The following HMCN1 variants were observed in gnomAD, a reference collection of about 807,000 sequenced individuals.
The protein encoded by HMCN1 is hemicentin-1.
A neutral mutation model predicts 625.9 loss-of-function variants in HMCN1; 321 were observed. The observed-to-expected ratio is 0.51, with a 90% confidence interval of 0.47 to 0.56. The LOEUF is 0.56. HMCN1 is among the 20% of genes least tolerant of loss of function. The probability of loss-of-function intolerance (pLI) is 0.00; values close to 1 mark genes in which losing one functional copy is unlikely to be tolerated. For missense variants in HMCN1, 6,588 were observed against 6,887.3 expected, an observed-to-expected ratio of 0.96 and a Z score of 1.54; for synonymous variants, 2,425 against 2,417.6, an observed-to-expected ratio of 1.00 and a Z score of -0.09.
intron 42 of HMCN1, 142 bp downstream of exon 42, chr1:186,048,981 C>T: frequency 1.6e-6 from 1 of 641,496 alleles, no homozygotes; most frequent in South Asian, 1.7e-5. Flanking sequence ...GCTGAACTGT[C>T]CTGGGTATCA....
At position 186,145,927 on chromosome 1, in the gene HMCN1, A is replaced by T. The variant is rs756502732; in HGVS notation, c.14608+4A>T. 3 of 1,613,942 alleles carry T rather than the reference A, an allele frequency of 1.9e-6. No individual in the cohort carries two copies. The highest frequency in any genetic ancestry group is 2.5e-6 in the Non-Finnish European group (3 of 1,179,950). On this transcript the variant is annotated splice_donor_region_variant and intron_variant, in intron 93 of 106. Transcript: ENST00000271588. Reference sequence around the variant, plus strand: ...TGCAATGTACAAGCATGTCCAGGTAAGCAACTAAATTGGACTTTGGTAGCA... The same window carrying T: ...TGCAATGTACAAGCATGTCCAGGTATGCAACTAAATTGGACTTTGGTAGCA...
At chr1:186,156,982 T>C (rs1470898968) in intron 97 of HMCN1, among the ~76,000 whole-genome samples, 1 of 152,150 alleles carries the variant, frequency 6.6e-6, no homozygotes, top group African/African-American at 2.4e-5. Context: ...CGTGGGTGAT[T>C]ATAAGAAAAT....
chr1:185,866,067 T>C (rs1663171893), intron 4 of HMCN1, among the ~76,000 whole-genome samples: 1 of 152,188 alleles, frequency 6.6e-6, no homozygotes, highest in Non-Finnish European at 1.5e-5. Flanking sequence ...GTATTACTTA[T>C]AGCAACAAAC....
chr1:186,039,078 T>A, intron 38 of HMCN1, 73 bp downstream of exon 38: 1 of 1,032,836 alleles, frequency 9.7e-7, no homozygotes, highest in Non-Finnish European at 1.5e-6. Flanking sequence ...TCTATAAAAT[T>A]CTTGTGTAAG....
intron 100 of HMCN1, among the ~76,000 whole-genome samples, chr1:186,168,125 TATATTTAGGTGGAG>T (rs1441914688): frequency 6.6e-6 from 1 of 151,328 alleles, no homozygotes; most frequent in Non-Finnish European, 1.5e-5. Context: ...AATGGATCTA[TATATTTAGGTGGAG>T]ATATTTATGT....
chr1:185,865,610 CACACACACACACACACACACAT>C, intron 3 of HMCN1, 109 bp from the exon 4 acceptor site: 1 of 695,488 alleles, frequency 1.4e-6, no homozygotes. Flanking sequence ...CACACACACA[CACACACACACACACACACACAT>C]TCACATATTC....
Position 186,089,439 on chromosome 1 carries a change from G to A in HMCN1, c.9727+684G>A, listed in dbSNP as rs560116464. Among the ~76,000 whole-genome samples, 106 of 151,870 alleles carry A rather than the reference G, an allele frequency of 7.0e-4. 1 individual carries two copies. The highest frequency in any genetic ancestry group is 1.9e-3 in the Admixed American group (29 of 15,220). Reference sequence around the variant, plus strand: ...TTATGAATTCTACTATGAATATTACGTATCTGTTGTGTGCTCTGCTAAAGC... The same window carrying A: ...TTATGAATTCTACTATGAATATTACATATCTGTTGTGTGCTCTGCTAAAGC... On this transcript the variant is annotated intron_variant, in intron 63 of 106. Coordinates refer to ENST00000271588, the MANE Select transcript of HMCN1 (RefSeq NM_031935.3).
At chr1:185,880,293 A>T (rs1664220530) in intron 4 of HMCN1, among the ~76,000 whole-genome samples, 1 of 152,196 alleles carries the variant, frequency 6.6e-6, no homozygotes, top group South Asian at 2.1e-4. Flanking sequence ...AAAGCATAGA[A>T]CATAAAGCAA....
chr1:185,743,893 G>A lies in HMCN1; in HGVS notation c.268+8846G>A, dbSNP rs142198102. On this transcript the variant is annotated intron_variant, in intron 1 of 106. Transcript: ENST00000271588. ...ACATTGAATAGATAGTGGAAGGAAG[G>A]CAATTATCAAGGAAAATAGTACAAC... 7.7e-4 allele frequency among the ~76,000 whole-genome samples: 117 copies of A among 151,744 alleles called. 2 individuals are homozygous for A. In the East Asian group the frequency reaches 0.02, roughly 25 times the overall value.
intron 2 of HMCN1, among the ~76,000 whole-genome samples, chr1:185,857,724 C>T (rs1213725123): frequency 6.6e-6 from 1 of 152,028 alleles, no homozygotes; most frequent in African/African-American, 2.4e-5. Flanking sequence ...AAGTGTACCT[C>T]GAATATGTCA....
chr1:186,174,776 G>T, intron 103 of HMCN1, 134 bp downstream of exon 103: 1 of 793,058 alleles, frequency 1.3e-6, no homozygotes. Flanking sequence ...ATTGATTTAC[G>T]TCATTCAACA....
intron 42 of HMCN1, among the ~76,000 whole-genome samples, chr1:186,050,504 A>C (rs1045205632): frequency 1.3e-5 from 2 of 152,030 alleles, no homozygotes; most frequent in African/African-American, 4.8e-5. Context: ...CCCAGTAAAA[A>C]AAAATGTGCC....
intron 31 of HMCN1, 142 bp downstream of exon 31, chr1:186,015,579 T>A: frequency 1.2e-6 from 1 of 864,538 alleles, no homozygotes; most frequent in South Asian, 1.6e-5. Context: ...ATTTGTTCCA[T>A]GATTTGGAAA....
chr1:185,883,751 A>G (rs908301551), intron 4 of HMCN1, among the ~76,000 whole-genome samples: 1 of 151,830 alleles, frequency 6.6e-6, no homozygotes, highest in Non-Finnish European at 1.5e-5. Context: ...AAATTTAGTC[A>G]TTCTAATGTA....
chr1:185,968,850 G>T (rs1171726351), intron 14 of HMCN1, among the ~76,000 whole-genome samples: 1 of 151,986 alleles, frequency 6.6e-6, no homozygotes, highest in African/African-American at 2.4e-5. Flanking sequence ...TGTATTTATA[G>T]CTTCTCAATA....
chr1:185,748,751 A>C (rs1445244935), intron 1 of HMCN1, among the ~76,000 whole-genome samples: 1 of 152,218 alleles, frequency 6.6e-6, no homozygotes, highest in Non-Finnish European at 1.5e-5. Flanking sequence ...TAAAGTGAGA[A>C]TAACAATCAT....
chr1:186,188,163 A>G (rs1571488977), intron 106 of HMCN1, among the ~76,000 whole-genome samples, 154 bp downstream of exon 106: 2 of 152,170 alleles, frequency 1.3e-5, no homozygotes, highest in Admixed American at 1.3e-4. Context: ...TCTTCAATGA[A>G]TGGGCAAGAA....
At chr1:186,045,896 GT>G in intron 41 of HMCN1, 33 bp downstream of exon 41, 1 of 1,468,530 alleles carries the variant, frequency 6.8e-7, no homozygotes. Context: ...TTTACCTTAT[GT>G]TATTAGAAGT....
intron 2 of HMCN1, among the ~76,000 whole-genome samples, chr1:185,858,756 TA>T (rs1398417002): frequency 6.6e-6 from 1 of 151,228 alleles, no homozygotes; most frequent in Admixed American, 6.6e-5. Context: ...TGGCCAGCAG[TA>T]ATTTTTTTTT....
Sources: gnomAD v4.1 joint callset for allele counts (sites outside exome capture counted in the v4.1 genomes callset) on GRCh38, gnomAD v4.1.1 for gene constraint, MANE v1.5 for transcripts, NCBI Gene and HGNC (gene_info 2026-07-23, HGNC 2026-07-21) for gene names.